ANK2: variants seen among roughly 807,000 people sequenced by gnomAD.
ANK2 encodes the protein ankyrin-2.
In ANK2, 83 loss-of-function variants were observed where a neutral mutation model predicts 360.5. The observed-to-expected ratio is 0.23, with a 90% CI of 0.19 to 0.28. The LOEUF (loss-of-function observed/expected upper bound fraction) is 0.28. Among genes scored for constraint, ANK2 ranks in the 10% least tolerant of loss-of-function variants. ANK2 has a pLI of 1.00. For missense variants in ANK2, 4,201 were observed against 4,795.7 expected, an observed-to-expected ratio of 0.88 and a Z score of 3.66; for synonymous variants, 1,740 against 1,759.5, an observed-to-expected ratio of 0.99 and a Z score of 0.28.
intron 2 of ANK2, among the ~76,000 whole-genome samples, chr4:113,028,084 T>G (rs2059647292): frequency 6.6e-6 from 1 of 152,090 alleles, no homozygotes; most frequent in African/African-American, 2.4e-5. Flanking sequence ...CACTGTGGAT[T>G]TTGCCTTGGT....
chr4:112,880,187 A>G (rs1357194036), intron 1 of ANK2: 2 of 152,318 alleles, frequency 1.3e-5, no homozygotes, highest in South Asian at 2.1e-4. Context: ...GAAACCATCA[A>G]TATGCTCAAA....
chr4:112,707,062 G>A, the ANK2 span, among the ~76,000 whole-genome samples: 2 of 152,184 alleles, frequency 1.3e-5, no homozygotes, highest in Non-Finnish European at 2.9e-5. Context: ...TAGTGTATGA[G>A]TGTGAGAATA....
intron 2 of ANK2, among the ~76,000 whole-genome samples, chr4:113,037,210 C>G (rs2061801302): frequency 1.3e-5 from 2 of 151,896 alleles, no homozygotes; most frequent in Admixed American, 1.3e-4. Flanking sequence ...TTTGTGGGCC[C>G]AGGAAATACT....
chr4:113,149,806 G>C (rs2096969143), intron 1 of ANK2, among the ~76,000 whole-genome samples: 1 of 145,130 alleles, frequency 6.9e-6, no homozygotes, highest in South Asian at 2.2e-4. Flanking sequence ...AGCCTGGGGA[G>C]GTGGAGGCTG....
intron 1 of ANK2, chr4:112,826,408 C>T (rs1315147940): frequency 9.8e-7 from 1 of 1,022,794 alleles, no homozygotes; most frequent in Admixed American, 2.1e-5. Flanking sequence ...ACAGAAGTAA[C>T]ACTTTCCCTA....
At chr4:112,826,143 C>T (rs140685390) in intron 1 of ANK2, among the ~76,000 whole-genome samples, 51 of 152,290 alleles carry the variant, frequency 3.3e-4, no homozygotes, top group African/African-American at 9.6e-4. Flanking sequence ...ACTAATACTT[C>T]GTTTATTTAG....
chr4:113,210,792 T>G (rs921060622), intron 4 of ANK2, among the ~76,000 whole-genome samples: 2 of 152,200 alleles, frequency 1.3e-5, no homozygotes, highest in Non-Finnish European at 2.9e-5. Flanking sequence ...CATTGTTAGC[T>G]TCATGAGCAT....
chr4:112,712,535 G>A, the ANK2 span, among the ~76,000 whole-genome samples: 1 of 149,356 alleles, frequency 6.7e-6, no homozygotes, highest in East Asian at 2.0e-4. Context: ...AGCCTCCCAA[G>A]TGGCTAGGAC....
rs938303931 is a variant in ANK2 at position 113,287,535 on chromosome 4, C to A, written c.2080-70C>A. On this transcript the variant is annotated intron_variant, in intron 18 of 45. Transcript: ENST00000357077. ...ATTTTCAATATTTTCAATATTTTTT[C>A]ATAATATTATAGATGATGCAATGTA... The A allele has an allele frequency of 3.1e-5, 36 of 1,160,180 alleles. No homozygotes were observed. The African/African-American group carries it at 5.4e-4, about 17-fold the overall frequency. 71.9% of individuals were successfully genotyped at this position (1,160,180 alleles called of 1,614,324 possible). A position where few individuals can be genotyped will look rare whatever the true frequency, so the allele number is the denominator to read the frequency against.
intron 1 of ANK2, among the ~76,000 whole-genome samples, chr4:113,101,908 C>A (rs114312851): frequency 6.6e-6 from 1 of 152,020 alleles, no homozygotes; most frequent in Non-Finnish European, 1.5e-5. Flanking sequence ...CACATGCAAG[C>A]CCTGAAGTGG....
chr4:112,979,887 A>G (rs1022894164), intron 2 of ANK2: 2 of 152,022 alleles, frequency 1.3e-5, no homozygotes, highest in African/African-American at 4.8e-5. Context: ...AAAAAGCATG[A>G]TAAGTTCTCA....
intron 2 of ANK2, among the ~76,000 whole-genome samples, chr4:112,944,544 C>G (rs2094437517): frequency 6.6e-6 from 1 of 152,092 alleles, no homozygotes; most frequent in Admixed American, 6.6e-5. Context: ...CTTATTAACC[C>G]TAATTTTGTC....
intron 1 of ANK2, among the ~76,000 whole-genome samples, chr4:113,101,657 T>C (rs313954): frequency 0.82 from 124,512 of 152,000 alleles, 51,587 homozygotes; most frequent in African/African-American, 0.95. Context: ...AGTCTGTATT[T>C]CTATGGAGAG....
chr4:113,335,162 T>A (rs2153954579), intron 29 of ANK2, among the ~76,000 whole-genome samples: 1 of 152,334 alleles, frequency 6.6e-6, no homozygotes, highest in African/African-American at 2.4e-5. Flanking sequence ...TCTACACTAA[T>A]GCAATTTATA....
chr4:112,900,045 TG>T (rs1355915252), intron 1 of ANK2, among the ~76,000 whole-genome samples: 3 of 152,210 alleles, frequency 2.0e-5, no homozygotes, highest in African/African-American at 7.2e-5. Flanking sequence ...TTTTCAAATA[TG>T]GACCAAAGTA....
At chr4:113,266,381 G>A (rs2056051626) in intron 14 of ANK2, among the ~76,000 whole-genome samples, 1 of 152,178 alleles carries the variant, frequency 6.6e-6, no homozygotes, top group Non-Finnish European at 1.5e-5. Flanking sequence ...TTGCTTCCAA[G>A]TCTTTGCTAT....
chr4:112,791,476 CTTCTT>C, the ANK2 span, among the ~76,000 whole-genome samples: 16,109 of 93,418 alleles, frequency 0.17, 444 homozygotes, highest in East Asian at 0.42. Context: ...TCTTCTTCTT[CTTCTT>C]TTTTTTTTTT....
chr4:113,288,543 A>G lies in ANK2; in HGVS notation c.2277+57A>G, dbSNP rs186189863. On this transcript the variant is annotated intron_variant, in intron 20 of 45. Transcript: ENST00000357077. ...TAAGCAAAAAGGTTCAGCCATCTGG[A>G]TGCTTCACTAGTTTACCAAAGCTAC... 7.2e-5 allele frequency: 101 copies of G among 1,406,966 alleles called. 1 individual carries two copies. In the Middle Eastern group the frequency reaches 1.2e-3, roughly 17 times the overall value. The allele number at this position is 1,406,966 out of a possible 1,614,324, so 87.2% of individuals were successfully genotyped here.
At chr4:113,279,984 C>T (rs2061658622) in intron 17 of ANK2, among the ~76,000 whole-genome samples, 3 of 151,956 alleles carry the variant, frequency 2.0e-5, no homozygotes, top group Non-Finnish European at 4.4e-5. Flanking sequence ...TGTTTAATAA[C>T]ATATGTGAGT....
Sources: gnomAD v4.1 joint callset for allele counts (sites outside exome capture counted in the v4.1 genomes callset) on GRCh38, gnomAD v4.1.1 for gene constraint, MANE v1.5 for transcripts, NCBI Gene and HGNC (gene_info 2026-07-23, HGNC 2026-07-21) for gene names.